Variants in UGT1A4 observed in about 807,000 individuals in gnomAD.
The protein encoded by UGT1A4 is UDP glucuronosyltransferase family 1 member A4, also known as UDP-glucuronosyltransferase 1A4.
In UGT1A4, 32 loss-of-function variants were observed where a neutral mutation model predicts 41.1. The ratio of observed to expected loss-of-function variants is 0.78; its 90% CI spans 0.59 to 1.05. UGT1A4 has a LOEUF of 1.05. Ranked by LOEUF, UGT1A4 falls within the 50% of genes least tolerant of loss-of-function variation. The pLI, the probability that UGT1A4 is intolerant of heterozygous loss-of-function variation, is 0.00. For missense variants in UGT1A4, 748 were observed against 677.4 expected, an observed-to-expected ratio of 1.10 and a Z score of -1.16; for synonymous variants, 283 against 265.1, an observed-to-expected ratio of 1.07 and a Z score of -0.66.
chr2:233,767,929 T>C lies in UGT1A4; in HGVS notation c.1080T>C (p.Asp360=). 3.1e-6 allele frequency: 5 copies of C among 1,614,196 alleles called. No individual in the cohort carries two copies. Among genetic ancestry groups the C allele is most frequent in the Non-Finnish European group, 3.4e-6 (4 of 1,180,048 alleles). ...TILVKWLPQN[D]LLGHPMTRAF... is the part of the protein sequence containing the mutation. ...TTGTTAAGTGGCTACCCCAAAACGATCTGCTTGGTATGTTGGGCGGATTGG... is the reference window on the plus strand; with the variant it reads ...TTGTTAAGTGGCTACCCCAAAACGACCTGCTTGGTATGTTGGGCGGATTGG... Residue 360 remains aspartate, a synonymous_variant, in exon 3 of 5, where the codon GAT becomes GAC. Transcript: ENST00000373409.
chr2:233,761,696 T>G (rs1228722840), intron 1 of UGT1A4, among the ~76,000 whole-genome samples: 1 of 152,214 alleles, frequency 6.6e-6, no homozygotes, highest in East Asian at 1.9e-4. Context: ...TACAGAAAGG[T>G]TGTAGGTTTC....
chr2:233,767,896 C>T lies in UGT1A4; in HGVS notation c.1047C>T (p.Asn349=), dbSNP rs1260686155. ...CCCGACCATCGAATCTTGCGAACAACACGATACTTGTTAAGTGGCTACCCC... is the reference window on the plus strand; with the variant it reads ...CCCGACCATCGAATCTTGCGAACAATACGATACTTGTTAAGTGGCTACCCC... ...TGTRPSNLAN[N]TILVKWLPQN... The change falls in exon 3 of 5, where the codon AAC becomes AAT. Residue 349 remains asparagine (N), a synonymous_variant. Transcript: ENST00000373409. 2.5e-6 allele frequency: 4 copies of T among 1,614,050 alleles called. No homozygotes were observed. Among genetic ancestry groups the T allele is most frequent in the African/African-American group, 1.3e-5 (1 of 74,912 alleles).
At chr2:233,728,657 C>A (rs541048622) in intron 1 of UGT1A4, among the ~76,000 whole-genome samples, 28 of 152,298 alleles carry the variant, frequency 1.8e-4, no homozygotes, top group African/African-American at 6.5e-4. Flanking sequence ...TTTGGATGCG[C>A]TGCGTTACTC....
intron 1 of UGT1A4, among the ~76,000 whole-genome samples, chr2:233,766,688 C>T (rs1199007770): frequency 2.6e-5 from 4 of 152,166 alleles, no homozygotes; most frequent in Admixed American, 6.5e-5. Context: ...TTCTGTATCA[C>T]TGATGCCTTG....
At chr2:233,768,876 G>A (rs747097900) in intron 4 of UGT1A4, among the ~76,000 whole-genome samples, 6 of 151,968 alleles carry the variant, frequency 3.9e-5, no homozygotes, top group Admixed American at 6.6e-5. Flanking sequence ...GAGCCAGCGC[G>A]TCTGACCTGG....
chr2:233,746,553 C>T lies in UGT1A4; in HGVS notation c.868-20481C>T, dbSNP rs984942036. On this transcript the variant is annotated intron_variant, in intron 1 of 4. Transcript: ENST00000373409. The stretch of plus-strand genomic sequence containing the variant: ...GCTGCCCTGCTGTGTGACTTCTTAG[C>T]CCCTAGAGCACCACACCCTGTAATT... 4.6e-5 allele frequency among the ~76,000 whole-genome samples: 7 copies of T among 151,780 alleles called. 1 individual carries two copies. The highest frequency in any genetic ancestry group is 1.7e-4 in the African/African-American group (7 of 41,054).
At chr2:233,719,837 GT>G in intron 1 of UGT1A4, 150 bp downstream of exon 1, 1 of 1,534,622 alleles carries the variant, frequency 6.5e-7, no homozygotes, top group Non-Finnish European at 8.8e-7. Flanking sequence ...GGGGCCTAGT[GT>G]ATTTCAAGTT....
In UGT1A4 at chr2:233,769,317, C is replaced by T. The variant is rs1699835455; in HGVS notation, c.1307+878C>T. On this transcript the variant is annotated intron_variant, in intron 4 of 4. Transcript: ENST00000373409. The surrounding 1 kb of genome is among the most constrained non-coding windows in gnomAD (Gnocchi z 4.4). ...AGTTAGTATATTACTGTCAAGCTCA[C>T]TGGTAATAGGCTTATTAGAACCTTA... is the stretch of plus-strand genomic sequence containing the variant. Among the ~76,000 whole-genome samples, 1 of 152,214 alleles carries T rather than the reference C, an allele frequency of 6.6e-6. No individual in the cohort carries two copies. The highest frequency in any genetic ancestry group is 1.5e-5 in the Non-Finnish European group (1 of 68,028).
At chr2:233,734,764 G>A (rs902615341) in intron 1 of UGT1A4, among the ~76,000 whole-genome samples, 11 of 152,078 alleles carry the variant, frequency 7.2e-5, no homozygotes, top group African/African-American at 2.2e-4. Flanking sequence ...CCTTCACTTC[G>A]TTATTTACCC....
Position 233,769,646 on chromosome 2 carries a change from C to T in UGT1A4, c.1307+1207C>T, listed in dbSNP as rs1053692486. 2 of 1,608,424 alleles carry T rather than the reference C, an allele frequency of 1.2e-6. No individual in the cohort carries two copies. Among genetic ancestry groups the T allele is most frequent in the Non-Finnish European group, 1.7e-6 (2 of 1,177,716 alleles). On this transcript the variant is annotated intron_variant, in intron 4 of 4. Transcript: ENST00000373409. The surrounding 1 kb of genome is among the most constrained non-coding windows in gnomAD (Gnocchi z 4.4). ...AGGGACAACAGGGGAGGACTGATGA[C>T]TGACTTCCCACCTTTGAGGTGCTAA...
In UGT1A4 at chr2:233,720,107, C is replaced by T. The variant is rs542335836; in HGVS notation, c.867+420C>T. ...GATAATTTTTAGTGGTCCCATCTTGCGAAAGATACAGAGGTGACCACAGGA... is the reference window on the plus strand; with the variant it reads ...GATAATTTTTAGTGGTCCCATCTTGTGAAAGATACAGAGGTGACCACAGGA... On this transcript the variant is annotated intron_variant, in intron 1 of 4. Transcript: ENST00000373409. Among the ~76,000 whole-genome samples, 144 of 152,152 alleles carry T rather than the reference C, an allele frequency of 9.5e-4. 1 individual carries two copies. Among genetic ancestry groups the T allele is most frequent in the African/African-American group, 3.2e-3 (134 of 41,490 alleles).
At chr2:233,729,213 A>G (rs760379481) in intron 1 of UGT1A4, 11 of 1,613,914 alleles carry the variant, frequency 6.8e-6, no homozygotes, top group Non-Finnish European at 8.5e-6. Context: ...CTGAGAGTGG[A>G]AAGGTGTTGG....
intron 1 of UGT1A4, among the ~76,000 whole-genome samples, chr2:233,748,368 T>C (rs76077604): frequency 0.034 from 5,139 of 151,930 alleles, 164 homozygotes; most frequent in African/African-American, 0.052. Context: ...ATCTTCATGG[T>C]TGTGCATGTC....
rs1338074257 is a variant in UGT1A4 at position 233,772,677 on chromosome 2, A to G, written c.*118A>G. On this transcript the variant is annotated 3_prime_UTR_variant, in exon 5 of 5. Transcript: ENST00000373409. ...ATTAAGGAAATACTTTGCATAAATTAATCAGCCCCAGAGTGCTTTAAAAAA... is the reference window on the plus strand; with the variant it reads ...ATTAAGGAAATACTTTGCATAAATTGATCAGCCCCAGAGTGCTTTAAAAAA... 14 of 1,531,978 alleles carry G rather than the reference A, an allele frequency of 9.1e-6. No homozygotes were observed. The highest frequency in any genetic ancestry group is 1.1e-5 in the Non-Finnish European group (13 of 1,142,190). 94.9% of individuals were successfully genotyped at this position (1,531,978 alleles called of 1,614,324 possible).
At chr2:233,760,294 G>A (rs1697387669) in intron 1 of UGT1A4, 1 of 1,613,420 alleles carries the variant, frequency 6.2e-7, no homozygotes, top group East Asian at 2.2e-5. Context: ...CGCCATGGCT[G>A]TGGAGTCCCA....
intron 1 of UGT1A4, among the ~76,000 whole-genome samples, chr2:233,765,992 C>T (rs1575816962): frequency 6.6e-6 from 1 of 152,236 alleles, no homozygotes; most frequent in Middle Eastern, 3.4e-3. Context: ...CCTGAAGCTC[C>T]AGTGGGCGTG....
At position 233,772,470 on chromosome 2, in the gene UGT1A4, A is replaced by G. The variant is rs1372118451; in HGVS notation, c.1516A>G (p.Ile506Val). 4 of 1,614,038 alleles carry G rather than the reference A, an allele frequency of 2.5e-6. No homozygotes were observed. The Admixed American group carries it at 5.0e-5, about 20-fold the overall frequency. Residue 506 changes from isoleucine (I) to valine (V), a missense_variant, in exon 5 of 5, where the codon ATC becomes GTC. Coordinates refer to ENST00000373409, the MANE Select transcript of UGT1A4 (RefSeq NM_007120.3). Reference protein sequence around the residue: ...LLAVVLTVAFITFKCCAYGYR... With the variant: ...LLAVVLTVAFVTFKCCAYGYR... ...GGCCGTCGTGCTGACAGTGGCCTTC[A>G]TCACCTTTAAATGTTGTGCTTATGG...
rs3213726 is a variant in UGT1A4, at chr2:233,766,877, C to A, written c.868-157C>A. ...GAAGGAAGTAAAGGAGAGGAAAATG[C>A]TGTAAAACTTACATATTAATAATTT... On this transcript the variant is annotated intron_variant, in intron 1 of 4. Coordinates refer to ENST00000373409, the MANE Select transcript of UGT1A4 (RefSeq NM_007120.3). Among the ~76,000 whole-genome samples, 50 of 152,336 alleles carry A rather than the reference C, an allele frequency of 3.3e-4. No homozygotes were observed. The East Asian group carries it at 9.2e-3, about 28-fold the overall frequency.
chr2:233,731,397 T>A (rs2078153818), intron 1 of UGT1A4, among the ~76,000 whole-genome samples: 1 of 152,046 alleles, frequency 6.6e-6, no homozygotes, highest in South Asian at 2.1e-4. Context: ...CAACTCGTCA[T>A]TTACATTAGG....
Sources: gnomAD v4.1 joint callset for allele counts (sites outside exome capture counted in the v4.1 genomes callset) on GRCh38, gnomAD v4.1.1 for gene constraint, Gnocchi (gnomAD v3.1) non-coding constraint, MANE v1.5 for transcripts, NCBI Gene and HGNC (gene_info 2026-07-23, HGNC 2026-07-21) for gene names.